The following MDGA2 variants were observed in gnomAD, a reference collection of about 807,000 sequenced individuals.
MDGA2 encodes the protein MAM domain containing glycosylphosphatidylinositol anchor 2.
A neutral mutation model predicts 117.8 loss-of-function variants in MDGA2; 40 were observed. The observed-to-expected ratio is 0.34, with a 90% CI of 0.26 to 0.44. The LOEUF (loss-of-function observed/expected upper bound fraction) is 0.44. Among genes scored for constraint, MDGA2 ranks in the 20% least tolerant of loss-of-function variants. The pLI is 1.00. For synonymous variants in MDGA2, 452 were observed against 439.0 expected (o/e 1.03, Z -0.37); for missense variants, 1,123 against 1,250.6 (o/e 0.90, Z 1.54).
intron 1 of MDGA2, among the ~76,000 whole-genome samples, chr14:47,499,287 T>G (rs769652782): frequency 1.3e-5 from 2 of 152,152 alleles, no homozygotes; most frequent in Non-Finnish European, 2.9e-5. Flanking sequence ...ATTGGAGATA[T>G]CAATACTCCA....
chr14:46,881,090 C>T (rs1316956970), intron 11 of MDGA2, among the ~76,000 whole-genome samples: 3 of 150,564 alleles, frequency 2.0e-5, no homozygotes, highest in Admixed American at 6.6e-5. Context: ...TGAATGGCCA[C>T]CAACAACCAA....
At chr14:47,137,822 G>A (rs1271505763) in intron 4 of MDGA2, among the ~76,000 whole-genome samples, 1 of 152,126 alleles carries the variant, frequency 6.6e-6, no homozygotes, top group African/African-American at 2.4e-5. Context: ...TGGGATTGGA[G>A]AGTTGTTCTG....
At chr14:46,953,158 T>A (rs1885428964) in intron 9 of MDGA2, among the ~76,000 whole-genome samples, 1 of 151,900 alleles carries the variant, frequency 6.6e-6, no homozygotes, top group Admixed American at 6.6e-5. Flanking sequence ...ATGTTTAATC[T>A]TGTACCTCAC....
intron 1 of MDGA2, among the ~76,000 whole-genome samples, chr14:47,477,405 T>C (rs1189007789): frequency 6.6e-6 from 1 of 152,116 alleles, no homozygotes; most frequent in East Asian, 1.9e-4. Flanking sequence ...CATTGTGAAA[T>C]GGAAGGAAGA....
chr14:46,900,825 T>G (rs963564266), intron 10 of MDGA2, among the ~76,000 whole-genome samples: 1 of 152,064 alleles, frequency 6.6e-6, no homozygotes, highest in African/African-American at 2.4e-5. Context: ...AGTGCATGCA[T>G]GTACAATGGG....
At chr14:47,018,764 T>TAAAAAAAAA (rs1888177801) in intron 8 of MDGA2, among the ~76,000 whole-genome samples, 6 of 47,500 alleles carry the variant, frequency 1.3e-4, no homozygotes, top group South Asian at 4.8e-4. Context: ...AAAAAAAAAG[T>TAAAAAAAAA]CTCCATTGAG....
intron 11 of MDGA2, among the ~76,000 whole-genome samples, chr14:46,879,024 A>C (rs1882342048): frequency 6.6e-6 from 1 of 152,110 alleles, no homozygotes; most frequent in Non-Finnish European, 1.5e-5. Context: ...TTGAACTTGC[A>C]TGTATAATTT....
chr14:47,226,981 T>C lies in MDGA2; in HGVS notation c.421-8786A>G, dbSNP rs146193415. 2.1e-3 allele frequency among the ~76,000 whole-genome samples: 318 copies of C among 152,234 alleles called. 2 individuals are homozygous for C. The highest frequency in any genetic ancestry group is 7.2e-3 in the African/African-American group (298 of 41,526). ...ACACCCTCCGGTCCTCCAGATATCATTTTTTTAGAAAGCTTTCCCTCTCTC... is the reference window on the plus strand; with the variant it reads ...ACACCCTCCGGTCCTCCAGATATCACTTTTTTAGAAAGCTTTCCCTCTCTC... On this transcript the variant is annotated intron_variant, in intron 2 of 16. Coordinates refer to ENST00000399232, the MANE Select transcript of MDGA2 (RefSeq NM_001113498.3).
intron 1 of MDGA2, among the ~76,000 whole-genome samples, chr14:47,462,629 G>A (rs181557987): frequency 6.6e-6 from 1 of 152,134 alleles, no homozygotes; most frequent in Admixed American, 6.6e-5. Context: ...CCTAAGAGTC[G>A]CTAACTCAGA....
At position 47,371,769 on chromosome 14, in the gene MDGA2, TA is replaced by T. The variant is rs1207289705; in HGVS notation, c.281-70220del. 2.6e-5 allele frequency among the ~76,000 whole-genome samples: 4 copies of T among 151,810 alleles called. No homozygotes were observed. In the South Asian group the frequency reaches 8.3e-4, roughly 31 times the overall value. On this transcript the variant is annotated intron_variant, in intron 1 of 16. Transcript: ENST00000399232. ...AGTTTCTGTATTGATTTATAAATTC[TA>T]AGTTTCTAGGTTTATAAATTGAGAT...
chr14:47,179,959 A>G (rs895134384), intron 3 of MDGA2, among the ~76,000 whole-genome samples: 8 of 152,128 alleles, frequency 5.3e-5, no homozygotes, highest in African/African-American at 1.9e-4. Context: ...ATGTTAATAT[A>G]TCTTAATGTG....
intron 2 of MDGA2, among the ~76,000 whole-genome samples, chr14:47,279,513 C>T (rs956038142): frequency 1.3e-5 from 2 of 152,040 alleles, no homozygotes; most frequent in Admixed American, 1.3e-4. Flanking sequence ...TCCAGTTTGA[C>T]ATTTGCCTTT....
intron 10 of MDGA2, among the ~76,000 whole-genome samples, chr14:46,918,314 A>G (rs999380967): frequency 5.9e-5 from 9 of 152,224 alleles, no homozygotes; most frequent in Admixed American, 5.9e-4. Context: ...TAAACAATGT[A>G]GTAAGGAGTT....
intron 3 of MDGA2, among the ~76,000 whole-genome samples, chr14:47,153,217 AAGG>A (rs1206037855): frequency 6.6e-6 from 1 of 152,178 alleles, no homozygotes; most frequent in African/African-American, 2.4e-5. Context: ...AAAGAGTGGT[AAGG>A]AGATCAGTAA....
At chr14:47,066,020 T>C (rs1484089807) in intron 6 of MDGA2, among the ~76,000 whole-genome samples, 1 of 152,166 alleles carries the variant, frequency 6.6e-6, no homozygotes, top group African/African-American at 2.4e-5. Flanking sequence ...AAAATATCTA[T>C]GTGTGAAAGA....
At chr14:46,871,890 G>T in intron 14 of MDGA2, 1 of 391,678 alleles carries the variant, frequency 2.6e-6, no homozygotes, top group South Asian at 2.0e-5. Flanking sequence ...ACTCATGCCT[G>T]TAATCCCAGC....
chr14:46,963,302 A>AT (rs1408080251), intron 8 of MDGA2, among the ~76,000 whole-genome samples: 2 of 152,350 alleles, frequency 1.3e-5, no homozygotes, highest in African/African-American at 4.8e-5. Flanking sequence ...TCCCTGCAGT[A>AT]TACCTGTAAT....
intron 1 of MDGA2, among the ~76,000 whole-genome samples, chr14:47,478,647 A>T (rs919500471): frequency 2.6e-5 from 4 of 152,196 alleles, no homozygotes; most frequent in African/African-American, 9.7e-5. Flanking sequence ...AAGTGCTTGG[A>T]CTACGGACAT....
chr14:46,934,739 T>G (rs1884714511), intron 9 of MDGA2, among the ~76,000 whole-genome samples: 1 of 152,132 alleles, frequency 6.6e-6, no homozygotes, highest in Admixed American at 6.6e-5. Context: ...TATGGAAATA[T>G]TACAGCAAAT....
Sources: allele counts gnomAD v4.1 joint callset (sites outside exome capture counted in the v4.1 genomes callset), GRCh38; gene constraint gnomAD v4.1.1; transcripts MANE v1.5; gene names NCBI Gene and HGNC (gene_info 2026-07-23, HGNC 2026-07-21).